Variants in KLHL32 observed in about 807,000 individuals in gnomAD.
KLHL32 encodes kelch-like protein 32.
Under a neutral mutation model 64.8 loss-of-function variants are expected in KLHL32, and 35 were observed. The ratio of observed to expected loss-of-function variants is 0.54; its 90% confidence interval spans 0.41 to 0.72. The LOEUF is 0.72. Ranked by LOEUF, KLHL32 falls within the 30% of genes least tolerant of loss-of-function variation. The pLI is 0.00. For synonymous variants in KLHL32, 259 were observed against 281.0 expected (o/e 0.92, Z 0.78); for missense variants, 589 against 768.5 (o/e 0.77, Z 2.76).
chr6:97,117,662 A>G (rs1437580758), intron 7 of KLHL32, among the ~76,000 whole-genome samples: 1 of 152,208 alleles, frequency 6.6e-6, no homozygotes, highest in Non-Finnish European at 1.5e-5. Context: ...CAAGTGTTCC[A>G]TACCATTTTG....
intron 6 of KLHL32, among the ~76,000 whole-genome samples, chr6:97,112,765 TAA>T (rs34565706): frequency 6.9e-6 from 1 of 144,708 alleles, no homozygotes; most frequent in African/African-American, 2.5e-5. Context: ...TTTTTAATTT[TAA>T]AAAAAAAAAG....
rs1029549005 is a variant in KLHL32, at chr6:97,060,116, C to T, written c.313-4512C>T. ...CTCAAATCCTTCAGTCCACTGTACA[C>T]ATAGACCAAGAAGCAGGTAATTAAA... On this transcript the variant is annotated intron_variant, in intron 4 of 10. Transcript: ENST00000369261. Among the ~76,000 whole-genome samples the T allele has an allele frequency of 5.3e-5, 8 of 152,176 alleles. No individual in the cohort carries two copies. In the South Asian group the frequency reaches 1.0e-3, roughly 20 times the overall value.
intron 6 of KLHL32, among the ~76,000 whole-genome samples, chr6:97,099,247 G>A (rs1371766591): frequency 2.0e-5 from 3 of 152,168 alleles, no homozygotes; most frequent in Non-Finnish European, 2.9e-5. Context: ...ACCCCTCAAC[G>A]GTGATATTCC....
At chr6:97,134,682 T>C (rs1799798228) in intron 10 of KLHL32, among the ~76,000 whole-genome samples, 1 of 152,160 alleles carries the variant, frequency 6.6e-6, no homozygotes, top group African/African-American at 2.4e-5. Flanking sequence ...AGTTTTAGTA[T>C]CAGATTAGCT....
chr6:96,994,228 A>C (rs2128068647), intron 3 of KLHL32, among the ~76,000 whole-genome samples: 1 of 152,346 alleles, frequency 6.6e-6, no homozygotes. Context: ...TATCAAACTG[A>C]AACATCTGGA....
chr6:97,069,400 CTTTTTTT>C (rs199967868), intron 5 of KLHL32, among the ~76,000 whole-genome samples: 2 of 134,570 alleles, frequency 1.5e-5, no homozygotes, highest in Admixed American at 1.5e-4. Flanking sequence ...GATTTTGTTC[CTTTTTTT>C]TTTTTTTTTT....
chr6:97,023,185 T>C lies in KLHL32; in HGVS notation c.205-18307T>C, dbSNP rs146930647. On this transcript the variant is annotated intron_variant, in intron 3 of 10. Coordinates refer to ENST00000369261, the MANE Select transcript of KLHL32 (RefSeq NM_052904.4). Reference sequence around the variant, plus strand: ...AAACCATATCAACTATATTCATATATTACTAAATACATATAATTTAGAAAT... The same window carrying C: ...AAACCATATCAACTATATTCATATACTACTAAATACATATAATTTAGAAAT... Among the ~76,000 whole-genome samples the C allele has an allele frequency of 3.9e-3, 599 of 152,200 alleles. 3 individuals carry two copies. Among genetic ancestry groups the C allele is most frequent in the African/African-American group, 0.014 (571 of 41,468 alleles).
chr6:97,110,007 A>G (rs1485606362), intron 6 of KLHL32, among the ~76,000 whole-genome samples: 1 of 152,218 alleles, frequency 6.6e-6, no homozygotes, highest in African/African-American at 2.4e-5. Flanking sequence ...CAAAGAGTGG[A>G]AAATTATTTA....
At chr6:97,052,091 GA>G (rs1369825902) in intron 4 of KLHL32, among the ~76,000 whole-genome samples, 1 of 152,166 alleles carries the variant, frequency 6.6e-6, no homozygotes, top group Non-Finnish European at 1.5e-5. Flanking sequence ...AGCACCAATA[GA>G]ATTTCCTAAC....
In KLHL32 at chr6:97,114,647, T is replaced by A. The variant is rs75145401; in HGVS notation, c.1354+138T>A. The A allele has an allele frequency of 5.1e-5, 50 of 971,218 alleles. No homozygotes were observed. The African/African-American group carries it at 7.5e-4, about 15-fold the overall frequency. The allele number at this position is 971,218 out of a possible 1,614,324, so 60.2% of individuals were successfully genotyped here. A position where few individuals can be genotyped will look rare whatever the true frequency, so the allele number is the denominator to read the frequency against. On this transcript the variant is annotated intron_variant, in intron 7 of 10. Transcript: ENST00000369261. ...GCCATTTTAGCTAATTAACATTCAT[T>A]TATTGAGCACCTACTCTAGAGAGCA...
At chr6:96,943,067 ACACT>A (rs969477004) in intron 1 of KLHL32, among the ~76,000 whole-genome samples, 3 of 143,572 alleles carry the variant, frequency 2.1e-5, no homozygotes, top group African/African-American at 8.1e-5. Flanking sequence ...ACACACACAC[ACACT>A]CTGTACATAC....
chr6:97,082,126 C>T (rs891186782), intron 5 of KLHL32, among the ~76,000 whole-genome samples: 1 of 152,104 alleles, frequency 6.6e-6, no homozygotes, highest in Non-Finnish European at 1.5e-5. Flanking sequence ...ATTTAGGACA[C>T]TGTTGCAAGA....
rs1033591599 is a variant in KLHL32, at chr6:97,075,941, C to A, written c.412-9185C>A. On this transcript the variant is annotated intron_variant, in intron 5 of 10. Transcript: ENST00000369261. ...ATTTTTTGATCTCCATAGTGTGCTC[C>A]CAGACTGTAGATTTGCACAGCGGGG... is the stretch of plus-strand genomic sequence containing the variant. 2.0e-5 allele frequency among the ~76,000 whole-genome samples: 3 copies of A among 152,218 alleles called. No individual in the cohort carries two copies. The East Asian group carries it at 5.8e-4, about 29-fold the overall frequency.
intron 6 of KLHL32, among the ~76,000 whole-genome samples, chr6:97,094,073 G>C (rs1794633936): frequency 6.6e-6 from 1 of 152,112 alleles, no homozygotes; most frequent in Admixed American, 6.6e-5. Context: ...GTTGGGTGAT[G>C]GTTTAGATAT....
At chr6:97,114,530 G>C in intron 7 of KLHL32, 21 bp downstream of exon 7, 1 of 1,611,314 alleles carries the variant, frequency 6.2e-7, no homozygotes, top group South Asian at 1.1e-5. Flanking sequence ...CCTCATGTTG[G>C]ATTTATCAAA....
At chr6:97,069,400 CT>C (rs199967868) in intron 5 of KLHL32, among the ~76,000 whole-genome samples, 9,545 of 134,418 alleles carry the variant, frequency 0.071, 502 homozygotes, top group Admixed American at 0.2. Flanking sequence ...GATTTTGTTC[CT>C]TTTTTTTTTT....
intron 1 of KLHL32, among the ~76,000 whole-genome samples, chr6:96,958,180 T>G (rs1773475319): frequency 6.6e-6 from 1 of 152,190 alleles, no homozygotes; most frequent in Non-Finnish European, 1.5e-5. Context: ...AATGATCACC[T>G]CACTTAAAGA....
chr6:97,057,554 C>CCG, intron 4 of KLHL32, among the ~76,000 whole-genome samples: 1 of 145,266 alleles, frequency 6.9e-6, no homozygotes, highest in African/African-American at 2.6e-5. Context: ...TTTACACCCC[C>CCG]CTCCCGCCCC....
intron 1 of KLHL32, among the ~76,000 whole-genome samples, chr6:96,960,827 T>C (rs1223770161): frequency 6.6e-6 from 1 of 152,198 alleles, no homozygotes; most frequent in Non-Finnish European, 1.5e-5. Context: ...GGGTCATAGG[T>C]AGATTCAAAG....
Sources: allele counts gnomAD v4.1 joint callset (sites outside exome capture counted in the v4.1 genomes callset), GRCh38; gene constraint gnomAD v4.1.1; transcripts MANE v1.5; gene names NCBI Gene and HGNC (gene_info 2026-07-23, HGNC 2026-07-21).